Variants in CLUAP1 observed in about 807,000 individuals in gnomAD.
CLUAP1 encodes clusterin-associated protein 1.
In CLUAP1, 50 loss-of-function variants were observed where a neutral mutation model predicts 55.0. That is an observed-to-expected ratio of 0.91 (90% confidence interval 0.72 to 1.15). The LOEUF (loss-of-function observed/expected upper bound fraction) is 1.15. Ranked by LOEUF, CLUAP1 falls within the 50% of genes most tolerant of loss-of-function variation. The pLI is 0.00. For missense variants in CLUAP1, 530 were observed against 507.6 expected, an observed-to-expected ratio of 1.04 and a Z score of -0.42; for synonymous variants, 195 against 175.4, an observed-to-expected ratio of 1.11 and a Z score of -0.88.
intron 7 of CLUAP1, among the ~76,000 whole-genome samples, chr16:3,522,902 C>T (rs542188221): frequency 1.3e-5 from 2 of 152,074 alleles, no homozygotes; most frequent in East Asian, 1.9e-4. Context: ...GTAATTTTTA[C>T]GTCATTCTTC....
intron 1 of CLUAP1, among the ~76,000 whole-genome samples, chr16:3,501,849 C>G (rs529562782): frequency 3.3e-5 from 5 of 152,154 alleles, no homozygotes; most frequent in Admixed American, 3.3e-4. Flanking sequence ...ATCATTGCGG[C>G]TAACATTTTT....
intron 9 of CLUAP1, among the ~76,000 whole-genome samples, chr16:3,527,720 C>G (rs995430429): frequency 2.6e-5 from 4 of 152,134 alleles, no homozygotes; most frequent in African/African-American, 9.7e-5. Flanking sequence ...CTGGCTCTGC[C>G]TTTTAGATAG....
At chr16:3,512,593 C>CTAAG (rs1278833707) in intron 5 of CLUAP1, 115 bp downstream of exon 5, 3 of 772,010 alleles carry the variant, frequency 3.9e-6, no homozygotes, top group Non-Finnish European at 6.5e-6. Flanking sequence ...GTTGAATGAG[C>CTAAG]TAATGTGTGG....
intron 10 of CLUAP1, among the ~76,000 whole-genome samples, chr16:3,531,978 A>G (rs2038129506): frequency 6.6e-6 from 1 of 151,962 alleles, no homozygotes; most frequent in Non-Finnish European, 1.5e-5. Context: ...AGCTGGGGTT[A>G]CAGGCCCGTG....
chr16:3,526,675 A>C (rs1475126490), intron 9 of CLUAP1, among the ~76,000 whole-genome samples, 191 bp downstream of exon 9: 3 of 151,920 alleles, frequency 2.0e-5, no homozygotes, highest in Non-Finnish European at 4.4e-5. Context: ...ATTATTGTTG[A>C]CTATAGGTAC....
At chr16:3,509,753 C>G (rs958627189) in intron 4 of CLUAP1, 2 of 152,370 alleles carry the variant, frequency 1.3e-5, no homozygotes, top group African/African-American at 4.8e-5. Flanking sequence ...GAAAGCTTCC[C>G]CTGTGAGGCC....
At position 3,517,736 on chromosome 16, in the gene CLUAP1, C is replaced by T. The variant is rs867589409; in HGVS notation, c.579+2145C>T. The stretch of plus-strand genomic sequence containing the variant: ...TTACAGAACAAATCAAAATCATGCA[C>T]GCCTGGTAGGATGCAGTCACTTCTG... On this transcript the variant is annotated intron_variant, in intron 6 of 11. Coordinates refer to ENST00000576634, the MANE Select transcript of CLUAP1 (RefSeq NM_015041.3). Among the ~76,000 whole-genome samples the T allele has an allele frequency of 9.9e-5, 15 of 152,278 alleles. No individual in the cohort carries two copies. In the Middle Eastern group the frequency reaches 0.014, roughly 138 times the overall value.
At chr16:3,498,860 C>CAAAA (rs1175912309), upstream of CLUAP1, among the ~76,000 whole-genome samples, 1 of 149,810 alleles carries the variant, frequency 6.7e-6, no homozygotes, top group African/African-American at 2.5e-5. Context: ...GACTCCATCT[C>CAAAA]AAAAAACAAA....
upstream of CLUAP1, among the ~76,000 whole-genome samples, chr16:3,499,669 G>C (rs985704380): frequency 7.2e-5 from 11 of 152,150 alleles, no homozygotes; most frequent in African/African-American, 2.7e-4. Flanking sequence ...ATACATTCTG[G>C]ATACACGTCT....
At chr16:3,504,583 C>G in intron 1 of CLUAP1, 137 bp from the exon 2 acceptor site, 1 of 590,838 alleles carries the variant, frequency 1.7e-6, no homozygotes, top group South Asian at 2.3e-5. Flanking sequence ...TTTGCTTTCC[C>G]TTGTAGAAAG....
At chr16:3,512,969 C>G (rs534085379) in intron 5 of CLUAP1, among the ~76,000 whole-genome samples, 1 of 152,190 alleles carries the variant, frequency 6.6e-6, no homozygotes, top group Admixed American at 6.5e-5. Context: ...TGTGAGCCAC[C>G]GCGCCCGGCA....
At chr16:3,522,532 G>T (rs2037859402) in intron 7 of CLUAP1, among the ~76,000 whole-genome samples, 1 of 152,040 alleles carries the variant, frequency 6.6e-6, no homozygotes, top group East Asian at 1.9e-4. Flanking sequence ...GATGTGTCTG[G>T]TATGTGATTT....
At position 3,536,980 on chromosome 16, in the gene CLUAP1, C is replaced by T. The variant is rs1275928550; in HGVS notation, c.*709C>T. On this transcript the variant is annotated 3_prime_UTR_variant, in exon 12 of 12. Coordinates refer to ENST00000576634, the MANE Select transcript of CLUAP1 (RefSeq NM_015041.3). The stretch of plus-strand genomic sequence containing the variant: ...CCAGTTCACCTTGGATTACAGCCAC[C>T]TTCATGTTTCCACGGTTGGTACTAA... 1 of 152,188 alleles carries T rather than the reference C, an allele frequency of 6.6e-6. No homozygotes were observed. The highest frequency in any genetic ancestry group is 2.4e-5 in the African/African-American group (1 of 41,448). The allele number at this position is 152,188 out of a possible 1,614,324, so 9.4% of individuals were successfully genotyped here.
upstream of CLUAP1, among the ~76,000 whole-genome samples, chr16:3,500,618 G>T (rs2037372147): frequency 6.6e-6 from 1 of 152,154 alleles, no homozygotes. Context: ...TGATCCGCCC[G>T]CCTCGGCATC....
intron 9 of CLUAP1, among the ~76,000 whole-genome samples, chr16:3,529,777 A>ATATATAT (rs2038065832): frequency 1.7e-5 from 1 of 57,472 alleles, no homozygotes; most frequent in Non-Finnish European, 2.9e-5. Flanking sequence ...ATATTATTAT[A>ATATATAT]TATTATATAA....
upstream of CLUAP1, among the ~76,000 whole-genome samples, chr16:3,500,252 C>A (rs1258829291): frequency 6.6e-6 from 1 of 152,214 alleles, no homozygotes; most frequent in Non-Finnish European, 1.5e-5. Flanking sequence ...GAGACCGAGG[C>A]CTGGCCTGCC....
At chr16:3,535,562 CTTTTTTTCT>C (rs796068844) in intron 11 of CLUAP1, 6 of 153,016 alleles carry the variant, frequency 3.9e-5, no homozygotes, top group South Asian at 2.0e-4. Flanking sequence ...ACTTTGCTCC[CTTTTTTTCT>C]TTTTTTTCTT....
chr16:3,502,867 CT>C (rs1381069507), intron 1 of CLUAP1, among the ~76,000 whole-genome samples: 1 of 152,202 alleles, frequency 6.6e-6, no homozygotes, highest in East Asian at 1.9e-4. Context: ...AAGGATCTTA[CT>C]CAAATTAGTG....
Position 3,519,986 on chromosome 16 carries a change from A to G in CLUAP1, c.663A>G (p.Lys221=), listed in dbSNP as rs1443108720. ...TAGAAGCCAAAATCGAAAAGAGAAA[A>G]TTAGAACTGGAAAGAAATCGGAAGC... ...ANLEAKIEKR[K]LELERNRKRL... Residue 221 remains lysine (K), a synonymous_variant, in exon 7 of 12, where the codon AAA becomes AAG. Transcript: ENST00000576634. 2 of 1,613,892 alleles carry G rather than the reference A, an allele frequency of 1.2e-6. No homozygotes were observed. Among genetic ancestry groups the G allele is most frequent in the Non-Finnish European group, 1.7e-6 (2 of 1,179,956 alleles).
Sources: allele counts gnomAD v4.1 joint callset (sites outside exome capture counted in the v4.1 genomes callset), GRCh38; gene constraint gnomAD v4.1.1; transcripts MANE v1.5; gene names NCBI Gene and HGNC (gene_info 2026-07-23, HGNC 2026-07-21).